The following TMCC1 variants were observed in gnomAD, a reference collection of about 807,000 sequenced individuals.
TMCC1 encodes the protein transmembrane and coiled-coil domains protein 1.
Under a neutral mutation model 52.4 loss-of-function variants are expected in TMCC1, and 15 were observed. The ratio of observed to expected loss-of-function variants is 0.29; its 90% CI spans 0.19 to 0.44. The LOEUF is 0.44. Ranked by LOEUF, TMCC1 falls within the 20% of genes least tolerant of loss-of-function variation. The pLI, the probability that TMCC1 is intolerant of heterozygous loss-of-function variation, is 1.00. For synonymous variants in TMCC1, 279 were observed against 301.9 expected, an observed-to-expected ratio of 0.92 and a Z score of 0.79; for missense variants, 503 against 806.0, an observed-to-expected ratio of 0.62 and a Z score of 4.55.
At chr3:129,809,152 C>T (rs1220626204) in intron 4 of TMCC1, among the ~76,000 whole-genome samples, 4 of 146,626 alleles carry the variant, frequency 2.7e-5, no homozygotes, top group African/African-American at 1.0e-4. Context: ...GAGGCTGAGG[C>T]AGGAGAGTGG....
At chr3:129,862,221 T>G (rs1002995197) in intron 2 of TMCC1, among the ~76,000 whole-genome samples, 3 of 152,084 alleles carry the variant, frequency 2.0e-5, no homozygotes, top group Admixed American at 2.0e-4. Flanking sequence ...GGGGTGGAAA[T>G]GTGGAATGAC....
intron 4 of TMCC1, among the ~76,000 whole-genome samples, chr3:129,714,489 G>A (rs951340971): frequency 1.3e-5 from 2 of 151,938 alleles, no homozygotes; most frequent in Non-Finnish European, 1.5e-5. Flanking sequence ...CTGGAAACTC[G>A]AACTTTTAAC....
intron 4 of TMCC1, among the ~76,000 whole-genome samples, chr3:129,785,933 C>CTTT (rs11391336): frequency 6.8e-4 from 87 of 127,602 alleles, no homozygotes; most frequent in African/African-American, 1.5e-3. Flanking sequence ...CCCTCACCCC[C>CTTT]TTTTTTTTTT....
At chr3:129,678,506 G>C (rs1337848849) in intron 4 of TMCC1, among the ~76,000 whole-genome samples, 1 of 151,272 alleles carries the variant, frequency 6.6e-6, no homozygotes, top group African/African-American at 2.4e-5. Flanking sequence ...GATTACAGGC[G>C]TGTGCCACCA....
chr3:129,839,144 G>A (rs971813506), intron 2 of TMCC1, among the ~76,000 whole-genome samples: 2 of 152,124 alleles, frequency 1.3e-5, no homozygotes, highest in African/African-American at 2.4e-5. Flanking sequence ...AAGAATAAAT[G>A]AAGGTAAAGT....
intron 2 of TMCC1, among the ~76,000 whole-genome samples, chr3:129,859,345 G>C (rs954407368): frequency 6.6e-6 from 1 of 152,136 alleles, no homozygotes; most frequent in East Asian, 1.9e-4. Context: ...CATAAAAAAT[G>C]AATTCAGGCT....
intron 4 of TMCC1, among the ~76,000 whole-genome samples, chr3:129,710,606 C>G (rs908286671): frequency 6.6e-6 from 1 of 152,164 alleles, no homozygotes; most frequent in Non-Finnish European, 1.5e-5. Flanking sequence ...TATACTATGT[C>G]TTCTCCCATG....
At chr3:129,775,494 A>T (rs941208708) in intron 4 of TMCC1, among the ~76,000 whole-genome samples, 4 of 152,090 alleles carry the variant, frequency 2.6e-5, no homozygotes, top group Non-Finnish European at 5.9e-5. Context: ...AATTAAACAT[A>T]ATAGCCAGGA....
At chr3:129,691,575 G>A (rs914340433) in intron 4 of TMCC1, among the ~76,000 whole-genome samples, 2 of 152,186 alleles carry the variant, frequency 1.3e-5, no homozygotes, top group African/African-American at 4.8e-5. Context: ...AAGGCCAGGA[G>A]TTTGAGACCA....
At position 129,801,958 on chromosome 3, in the gene TMCC1, T is replaced by C. The variant is rs377549157; in HGVS notation, c.576+25845A>G. On this transcript the variant is annotated intron_variant, in intron 4 of 6. Coordinates refer to ENST00000393238, the MANE Select transcript of TMCC1 (RefSeq NM_001017395.5). ...ATGGCTCCTGTACCAAATAGTGTTA[T>C]TTAGTGTTTCCGGCATCAGAGCTTT... 4.6e-5 allele frequency among the ~76,000 whole-genome samples: 7 copies of C among 152,344 alleles called. No individual in the cohort carries two copies. The East Asian group carries it at 1.4e-3, about 29-fold the overall frequency.
chr3:129,728,849 T>A (rs2050317707), intron 4 of TMCC1, among the ~76,000 whole-genome samples: 1 of 152,214 alleles, frequency 6.6e-6, no homozygotes, highest in South Asian at 2.1e-4. Flanking sequence ...TGAGACTGAT[T>A]TATCAACACA....
In TMCC1 at chr3:129,783,062, A is replaced by G. The variant is rs564823957; in HGVS notation, c.576+44741T>C. Reference sequence around the variant, plus strand: ...ACAAAATATAAATTCAAAACTTTACAAAGCCAAACAGATATATGTTTTTAT... The same window carrying G: ...ACAAAATATAAATTCAAAACTTTACGAAGCCAAACAGATATATGTTTTTAT... On this transcript the variant is annotated intron_variant, in intron 4 of 6. Transcript: ENST00000393238. Among the ~76,000 whole-genome samples the G allele has an allele frequency of 3.3e-5, 5 of 152,332 alleles. No homozygotes were observed. In the East Asian group the frequency reaches 9.6e-4, roughly 29 times the overall value.
At chr3:129,758,342 G>A (rs918892386) in intron 4 of TMCC1, among the ~76,000 whole-genome samples, 2 of 152,166 alleles carry the variant, frequency 1.3e-5, no homozygotes, top group African/African-American at 2.4e-5. Flanking sequence ...TTCATGTTTA[G>A]GTTAATAATT....
chr3:129,685,771 A>G (rs998692087), intron 4 of TMCC1, among the ~76,000 whole-genome samples: 2 of 152,338 alleles, frequency 1.3e-5, no homozygotes, highest in Non-Finnish European at 1.5e-5. Context: ...CTACTTGACT[A>G]TATCAAAATC....
At chr3:129,866,243 C>T (rs1306739566) in intron 2 of TMCC1, among the ~76,000 whole-genome samples, 3 of 143,542 alleles carry the variant, frequency 2.1e-5, no homozygotes, top group African/African-American at 7.7e-5. Flanking sequence ...TACATACATA[C>T]ATATATATAA....
intron 2 of TMCC1, among the ~76,000 whole-genome samples, chr3:129,878,927 C>T (rs1380688666): frequency 2.0e-5 from 3 of 152,202 alleles, no homozygotes; most frequent in African/African-American, 7.2e-5. Flanking sequence ...TGTCTCAGGA[C>T]ATGTACACTG....
At chr3:129,785,416 T>A (rs2055921792) in intron 4 of TMCC1, among the ~76,000 whole-genome samples, 1 of 152,184 alleles carries the variant, frequency 6.6e-6, no homozygotes, top group Non-Finnish European at 1.5e-5. Context: ...AATACAGTGA[T>A]CAATAGCATT....
rs1052680647 is a variant in TMCC1, at chr3:129,721,726, A to T, written c.577-50462T>A. Among the ~76,000 whole-genome samples, 561 of 145,754 alleles carry T rather than the reference A, an allele frequency of 3.8e-3. 2 individuals are homozygous for T. Among genetic ancestry groups the T allele is most frequent in the Non-Finnish European group, 5.5e-3 (368 of 66,430 alleles). Reference sequence around the variant, plus strand: ...ATACAAAAAAAAAAAAAAAAAAAAAATTAGCTGGGCGTGGTGGCAGGCACC... The same window carrying T: ...ATACAAAAAAAAAAAAAAAAAAAAATTTAGCTGGGCGTGGTGGCAGGCACC... On this transcript the variant is annotated intron_variant, in intron 4 of 6. Coordinates refer to ENST00000393238, the MANE Select transcript of TMCC1 (RefSeq NM_001017395.5).
intron 4 of TMCC1, among the ~76,000 whole-genome samples, chr3:129,784,620 G>A (rs2055833916): frequency 6.6e-6 from 1 of 151,338 alleles, no homozygotes. Flanking sequence ...TAAATACATG[G>A]TGGGGGGTGG....
Sources: allele counts gnomAD v4.1 joint callset (sites outside exome capture counted in the v4.1 genomes callset), GRCh38; gene constraint gnomAD v4.1.1; transcripts MANE v1.5; gene names NCBI Gene and HGNC (gene_info 2026-07-23, HGNC 2026-07-21).